DGKK: variants seen among roughly 807,000 people sequenced by gnomAD.
The protein encoded by DGKK is 142 kDa diacylglycerol kinase.
A neutral mutation model predicts 92.2 loss-of-function variants in DGKK; 35 were observed. The ratio of observed to expected loss-of-function variants is 0.38; its 90% CI spans 0.29 to 0.50. The LOEUF (loss-of-function observed/expected upper bound fraction) is 0.50, where lower values mean the gene tolerates loss of function less well. Among genes scored for constraint, DGKK ranks in the 20% least tolerant of loss-of-function variants. DGKK has a pLI of 0.92. For missense variants in DGKK, 910 were observed against 992.2 expected, an observed-to-expected ratio of 0.92 and a Z score of 1.11; for synonymous variants, 368 against 360.6, an observed-to-expected ratio of 1.02 and a Z score of -0.23.
rs138647768 is a variant in DGKK at position 50,465,813 on chromosome X, T to G, written c.645+4221A>C. Reference sequence around the variant, plus strand: ...AAATCTACAATAGAAAATTCAATCATTACATCCTATAAGCTGTCAAGTTTT... The same window carrying G: ...AAATCTACAATAGAAAATTCAATCAGTACATCCTATAAGCTGTCAAGTTTT... On this transcript the variant is annotated intron_variant, in intron 1 of 27. Coordinates refer to ENST00000611977, the MANE Select transcript of DGKK (RefSeq NM_001013742.4). Among the ~76,000 whole-genome samples, 129 of 110,817 alleles carry G rather than the reference T, an allele frequency of 1.2e-3. No individual in the cohort carries two copies. The Middle Eastern group carries it at 0.028, about 24-fold the overall frequency.
At chrX:50,416,055 T>A in intron 4 of DGKK, among the ~76,000 whole-genome samples, 1 of 111,365 alleles carries the variant, frequency 9.0e-6, no homozygotes, top group East Asian at 2.8e-4. Flanking sequence ...AGCACTCTTA[T>A]AAAAGGGACC....
At chrX:50,458,525 A>G (rs144134107) in intron 1 of DGKK, among the ~76,000 whole-genome samples, 2,399 of 108,099 alleles carry the variant, frequency 0.022, 59 homozygotes, top group African/African-American at 0.075. Flanking sequence ...GATACTAGAT[A>G]ATATATTTAT....
chrX:50,455,127 C>G (rs1177131719), intron 1 of DGKK, among the ~76,000 whole-genome samples: 5 of 112,072 alleles, frequency 4.5e-5, no homozygotes, highest in African/African-American at 1.6e-4. Flanking sequence ...TTCTGTCTGG[C>G]CTTCCCTTTG....
intron 2 of DGKK, 97 bp downstream of exon 2, chrX:50,424,151 T>C (rs1925675565): frequency 1.3e-6 from 1 of 777,276 alleles, no homozygotes; most frequent in Admixed American, 3.1e-5. Flanking sequence ...TCCACCCTAA[T>C]GTTTGCTGAC....
At chrX:50,386,853 G>C (rs1420589556) in intron 14 of DGKK, among the ~76,000 whole-genome samples, 1 of 111,928 alleles carries the variant, frequency 8.9e-6, no homozygotes, top group Non-Finnish European at 1.9e-5. Context: ...ATATAGCTGA[G>C]TCTTTCTTGT....
chrX:50,420,826 A>G (rs868958960), intron 3 of DGKK, among the ~76,000 whole-genome samples: 1 of 112,115 alleles, frequency 8.9e-6, no homozygotes, highest in African/African-American at 3.2e-5. Flanking sequence ...TTCCCATTTC[A>G]TAGCCGAGAA....
chrX:50,402,236 C>T (rs906685360), intron 7 of DGKK, among the ~76,000 whole-genome samples: 22 of 110,236 alleles, frequency 2.0e-4, no homozygotes, highest in Non-Finnish European at 2.5e-4. Flanking sequence ...AGCAAGACTC[C>T]GTCTCTACAA....
chrX:50,418,938 G>A (rs782437593), intron 4 of DGKK, among the ~76,000 whole-genome samples: 1 of 111,659 alleles, frequency 9.0e-6, no homozygotes, highest in South Asian at 3.8e-4. Context: ...TGATTCATGA[G>A]AAACCCTCCA....
intron 4 of DGKK, among the ~76,000 whole-genome samples, chrX:50,415,221 G>T (rs782086034): frequency 8.9e-6 from 1 of 111,967 alleles, no homozygotes; most frequent in Admixed American, 9.4e-5. Context: ...GTTGCCACTC[G>T]TGTAGGTCTG....
At chrX:50,387,368 C>T (rs1241632560) in intron 14 of DGKK, among the ~76,000 whole-genome samples, 186 bp downstream of exon 14, 1 of 111,294 alleles carries the variant, frequency 9.0e-6, no homozygotes, top group Non-Finnish European at 1.9e-5. Context: ...GCATGCAGAG[C>T]GCCATCCTTC....
chrX:50,401,174 G>A (rs1569544492), intron 7 of DGKK, 35 bp from the exon 8 acceptor site: 1 of 1,094,642 alleles, frequency 9.1e-7, no homozygotes, highest in Non-Finnish European at 1.2e-6. Context: ...GAAAAAAAAG[G>A]AGGGGGAGAG....
At chrX:50,382,412 G>T in intron 18 of DGKK, 84 bp downstream of exon 18, 1 of 680,793 alleles carries the variant, frequency 1.5e-6, no homozygotes, top group Non-Finnish European at 2.2e-6. Flanking sequence ...TCTGTTGCTT[G>T]TCTGAGAGGT....
chrX:50,371,082 A>T (rs1166521302), intron 26 of DGKK, among the ~76,000 whole-genome samples: 1 of 112,833 alleles, frequency 8.9e-6, no homozygotes, highest in African/African-American at 3.2e-5. Flanking sequence ...TTCTCTAAAC[A>T]TAACTCTTAA....
At chrX:50,414,693 C>G (rs1164786386) in intron 4 of DGKK, among the ~76,000 whole-genome samples, 2 of 111,553 alleles carry the variant, frequency 1.8e-5, no homozygotes, top group African/African-American at 6.5e-5. Flanking sequence ...AATTCTCAGT[C>G]TGTCCACATT....
intron 1 of DGKK, among the ~76,000 whole-genome samples, chrX:50,452,422 C>T (rs911321204): frequency 8.9e-6 from 1 of 112,170 alleles, no homozygotes; most frequent in African/African-American, 3.2e-5. Context: ...AAAGAAATCG[C>T]CTTCTTCACT....
chrX:50,457,063 A>G lies in DGKK; in HGVS notation c.645+12971T>C, dbSNP rs1382600717. ...GTCCACCAAAGTGAGGTGACTTCCA[A>G]TCTAAGAAGAGTCCAAACTCTTCAA... On this transcript the variant is annotated intron_variant, in intron 1 of 27. Transcript: ENST00000611977. 2.6e-4 allele frequency among the ~76,000 whole-genome samples: 29 copies of G among 111,906 alleles called. 1 individual carries two copies.
chrX:50,451,835 G>GT (rs782811992), intron 1 of DGKK, among the ~76,000 whole-genome samples: 1 of 111,993 alleles, frequency 8.9e-6, no homozygotes, highest in South Asian at 3.7e-4. Context: ...AATTAAAGGG[G>GT]ATATATGACT....
intron 1 of DGKK, among the ~76,000 whole-genome samples, chrX:50,446,492 A>AT (rs1557231875): frequency 9.0e-6 from 1 of 110,836 alleles, no homozygotes; most frequent in African/African-American, 3.3e-5. Flanking sequence ...ACATCTTTGC[A>AT]TTTTTTGCTT....
At chrX:50,459,413 G>GA (rs1341259072) in intron 1 of DGKK, among the ~76,000 whole-genome samples, 19 of 110,462 alleles carry the variant, frequency 1.7e-4, no homozygotes, top group African/African-American at 5.9e-4. Flanking sequence ...TTCATCATTA[G>GA]AAAAAAAGAC....
Sources: allele counts gnomAD v4.1 joint callset (sites outside exome capture counted in the v4.1 genomes callset), GRCh38; gene constraint gnomAD v4.1.1; transcripts MANE v1.5; gene names NCBI Gene and HGNC (gene_info 2026-07-23, HGNC 2026-07-21).